CLPTM1L: variants seen among roughly 807,000 people sequenced by gnomAD.
CLPTM1L encodes the protein CLPTM1 like, also known as lipid scramblase CLPTM1L.
A neutral mutation model predicts 70.9 loss-of-function variants in CLPTM1L; 38 were observed. That is an observed-to-expected ratio of 0.54 (90% CI 0.41 to 0.70). The LOEUF (loss-of-function observed/expected upper bound fraction) is 0.70. Among genes scored for constraint, CLPTM1L ranks in the 30% least tolerant of loss-of-function variants. The pLI, the probability that CLPTM1L is intolerant of heterozygous loss-of-function variation, is 0.00. For synonymous variants in CLPTM1L, 339 were observed against 299.9 expected, an observed-to-expected ratio of 1.13 and a Z score of -1.35; for missense variants, 652 against 705.9, an observed-to-expected ratio of 0.92 and a Z score of 0.87.
intron 11 of CLPTM1L, 93 bp from the exon 12 acceptor site, chr5:1,323,962 G>C (rs1752346676): frequency 9.9e-7 from 1 of 1,008,808 alleles, no homozygotes; most frequent in African/African-American, 1.6e-5. Context: ...GGGACAGACA[G>C]AACGAGCTAC....
At chr5:1,337,039 G>A (rs1753618736) in intron 5 of CLPTM1L, among the ~76,000 whole-genome samples, 4 of 152,208 alleles carry the variant, frequency 2.6e-5, no homozygotes, top group Admixed American at 2.6e-4. Flanking sequence ...GAGGTGCCGA[G>A]AGCCTTAAGT....
At chr5:1,344,488 G>C in intron 1 of CLPTM1L, 37 bp from the exon 2 acceptor site, 1 of 1,574,802 alleles carries the variant, frequency 6.3e-7, no homozygotes, top group Non-Finnish European at 8.7e-7. Context: ...AGCTCGGCCA[G>C]GCCCTGGCAG....
chr5:1,328,338 C>A (rs1249485792), intron 9 of CLPTM1L, among the ~76,000 whole-genome samples: 1 of 76,446 alleles, frequency 1.3e-5, no homozygotes, highest in African/African-American at 5.8e-5. Context: ...CACATTTCAT[C>A]CAGCTCCTCC....
At chr5:1,325,222 C>CA in intron 10 of CLPTM1L, 1 of 265,386 alleles carries the variant, frequency 3.8e-6, no homozygotes, top group Non-Finnish European at 7.2e-6. Flanking sequence ...CCCCTGCCCA[C>CA]AGCATGGAAA....
chr5:1,339,875 G>A (rs957975546), intron 3 of CLPTM1L, among the ~76,000 whole-genome samples: 6 of 140,166 alleles, frequency 4.3e-5, no homozygotes, highest in African/African-American at 8.1e-5. Context: ...CCACACAGAC[G>A]GGCAAACTGT....
chr5:1,336,155 G>A (rs1042587327), intron 5 of CLPTM1L, among the ~76,000 whole-genome samples: 2 of 152,208 alleles, frequency 1.3e-5, no homozygotes, highest in African/African-American at 4.8e-5. Flanking sequence ...GGCACCCCTC[G>A]AGCTGCCAAG....
At chr5:1,334,200 C>T in intron 7 of CLPTM1L, 89 bp downstream of exon 7, 1 of 923,838 alleles carries the variant, frequency 1.1e-6, no homozygotes, top group Middle Eastern at 2.4e-4. Context: ...ACGGCGCCCA[C>T]AAACCCCAGG....
In CLPTM1L at chr5:1,345,043, G is replaced by GCCGCGGGATTCGCCGGCC. The variant is rs1362329985; in HGVS notation, c.-220_-203dup. 5.9e-6 allele frequency: 1 copy of GCCGCGGGATTCGCCGGCC among 170,828 alleles called. No homozygotes were observed. The highest frequency in any genetic ancestry group is 1.2e-5 in the Non-Finnish European group (1 of 85,920). The allele number at this position is 170,828 out of a possible 1,614,324, so 10.6% of individuals were successfully genotyped here. A position where few individuals can be genotyped will look rare whatever the true frequency, so the allele number is the denominator to read the frequency against. Reference sequence around the variant, plus strand: ...TGCTCCGGCCCCGCTCCCACCTGGCGCCGCGGGATTCGCCGGCCCCGCGCG... The same window carrying GCCGCGGGATTCGCCGGCC: ...TGCTCCGGCCCCGCTCCCACCTGGCGCCGCGGGATTCGCCGGCCCCGCGGGATTCGCCGGCCCCGCGCG... On this transcript the variant is annotated 5_prime_UTR_variant, in exon 1 of 17. Transcript: ENST00000320895.
In CLPTM1L at chr5:1,321,699, C is replaced by T; in HGVS notation, c.1372-20G>A. Reference sequence around the variant, plus strand: ...CTTCAACTGAAACAGGAGAGACAGGCCCAGGTCAGCTGTGGGCAGCACAGG... The same window carrying T: ...CTTCAACTGAAACAGGAGAGACAGGTCCAGGTCAGCTGTGGGCAGCACAGG... On this transcript the variant is annotated intron_variant, in intron 14 of 16. Transcript: ENST00000320895. 1.2e-6 allele frequency: 2 copies of T among 1,614,004 alleles called. No individual in the cohort carries two copies. Among genetic ancestry groups the T allele is most frequent in the Non-Finnish European group, 1.7e-6 (2 of 1,180,014 alleles).
chr5:1,333,664 TG>T (rs1753330670), intron 7 of CLPTM1L, among the ~76,000 whole-genome samples: 19 of 19,206 alleles, frequency 9.9e-4, no homozygotes, highest in Non-Finnish European at 1.4e-3. Context: ...ACACACCGGC[TG>T]AGGATAAGGG....
At chr5:1,344,294 C>G in intron 2 of CLPTM1L, 57 bp downstream of exon 2, 2 of 1,178,352 alleles carry the variant, frequency 1.7e-6, no homozygotes, top group Non-Finnish European at 2.5e-6. Flanking sequence ...AACTTTTAAA[C>G]AATCTGAACA....
intron 5 of CLPTM1L, among the ~76,000 whole-genome samples, chr5:1,335,483 C>T (rs1309067342): frequency 6.6e-6 from 1 of 152,242 alleles, no homozygotes; most frequent in Non-Finnish European, 1.5e-5. Context: ...TCCTGGTGCC[C>T]CGGAGGTGGT....
At chr5:1,330,698 C>A (rs985167567) in intron 8 of CLPTM1L, 2 of 367,186 alleles carry the variant, frequency 5.4e-6, no homozygotes, top group Admixed American at 4.2e-5. Flanking sequence ...TGCTTCCGGG[C>A]GTGTCTTATG....
In CLPTM1L at chr5:1,335,154, G is replaced by T. The variant is rs747860215; in HGVS notation, c.699C>A (p.Thr233=). 1.2e-6 allele frequency: 2 copies of T among 1,613,642 alleles called. No individual in the cohort carries two copies. The highest frequency in any genetic ancestry group is 1.7e-4 in the Middle Eastern group (1 of 6,060). ...CGTAGGACACGGTGAGGGGCAGCTC[G>T]GTGGTGGAGCGGTTTATGACCTGAT... ...KDLMVINRST[T]ELPLTVSYDK... Residue 233 remains threonine (T), a synonymous_variant, in exon 6 of 17, where the codon ACC becomes ACA. Coordinates refer to ENST00000320895, the MANE Select transcript of CLPTM1L (RefSeq NM_030782.5).
chr5:1,324,751 C>G lies in CLPTM1L; in HGVS notation c.1197+12G>C. ...CCTGGCATGCACGTGCCCTGAATCA[C>G]AAGTGACTTACCTGAGTATCGTACT... On this transcript the variant is annotated intron_variant, in intron 11 of 16. Coordinates refer to ENST00000320895, the MANE Select transcript of CLPTM1L (RefSeq NM_030782.5). 6.2e-7 allele frequency: 1 copy of G among 1,613,652 alleles called. No individual in the cohort carries two copies. Among genetic ancestry groups the G allele is most frequent in the African/African-American group, 1.3e-5 (1 of 75,056 alleles).
intron 9 of CLPTM1L, among the ~76,000 whole-genome samples, chr5:1,328,879 C>G (rs867334729): frequency 2.0e-3 from 290 of 147,522 alleles, no homozygotes; most frequent in African/African-American, 6.7e-3. Context: ...CCTCTACAGA[C>G]ACATTCCATC....
chr5:1,333,053 C>CG (rs1753224667), intron 7 of CLPTM1L, among the ~76,000 whole-genome samples: 2 of 72,802 alleles, frequency 2.7e-5, no homozygotes, highest in African/African-American at 1.0e-4. Context: ...GTATACACAC[C>CG]GGATGAGGAT....
intron 2 of CLPTM1L, among the ~76,000 whole-genome samples, chr5:1,343,136 A>G (rs1445252886): frequency 1.3e-5 from 2 of 152,146 alleles, no homozygotes; most frequent in Non-Finnish European, 2.9e-5. Context: ...GGTTGCAGTG[A>G]GCAGAGATCA....
chr5:1,329,023 G>GGACATTC (rs1752888103), intron 9 of CLPTM1L, among the ~76,000 whole-genome samples: 1 of 146,968 alleles, frequency 6.8e-6, no homozygotes, highest in Non-Finnish European at 1.5e-5. Context: ...TCCTCTACAG[G>GGACATTC]CATGACGGCC....
Sources: gnomAD v4.1 joint callset for allele counts (sites outside exome capture counted in the v4.1 genomes callset) on GRCh38, gnomAD v4.1.1 for gene constraint, MANE v1.5 for transcripts, NCBI Gene and HGNC (gene_info 2026-07-23, HGNC 2026-07-21) for gene names.